Variants in FYN observed in about 807,000 individuals in gnomAD.
FYN encodes the protein tyrosine-protein kinase Fyn.
In FYN, 10 loss-of-function variants were observed where a neutral mutation model predicts 70.2. The ratio of observed to expected loss-of-function variants is 0.14; its 90% CI spans 0.09 to 0.24. The LOEUF is 0.24. FYN is among the 10% of genes least tolerant of loss of function. The pLI, the probability that FYN is intolerant of heterozygous loss-of-function variation, is 1.00. For synonymous variants in FYN, 236 were observed against 248.6 expected (o/e 0.95, Z 0.48); for missense variants, 319 against 673.1 (o/e 0.47, Z 5.82).
intron 3 of FYN, among the ~76,000 whole-genome samples, chr6:111,772,448 T>C (rs550639626): frequency 1.1e-4 from 17 of 152,302 alleles, no homozygotes; most frequent in Non-Finnish European, 2.2e-4. Flanking sequence ...TGTATCAGAC[T>C]ACAGATGATT....
intron 4 of FYN, among the ~76,000 whole-genome samples, chr6:111,717,852 G>GAGA (rs747171783): frequency 9.9e-5 from 15 of 152,244 alleles, no homozygotes; most frequent in Non-Finnish European, 2.2e-4. Flanking sequence ...AAGGACCACA[G>GAGA]AGAAGAGTGG....
intron 12 of FYN, among the ~76,000 whole-genome samples, chr6:111,682,442 C>T (rs1238259803): frequency 6.6e-6 from 1 of 152,194 alleles, no homozygotes; most frequent in Non-Finnish European, 1.5e-5. Context: ...TTCACTTCTG[C>T]CTCAAATAGA....
At chr6:111,729,311 T>C (rs1801338704) in intron 3 of FYN, among the ~76,000 whole-genome samples, 1 of 151,982 alleles carries the variant, frequency 6.6e-6, no homozygotes, top group Non-Finnish European at 1.5e-5. Context: ...CCAACTCTAC[T>C]AAAAATACAA....
At chr6:111,710,378 A>C (rs1438422582) in intron 5 of FYN, among the ~76,000 whole-genome samples, 1 of 152,224 alleles carries the variant, frequency 6.6e-6, no homozygotes, top group African/African-American at 2.4e-5. Flanking sequence ...AGTCATTTCC[A>C]ATTCAAATCT....
At chr6:111,668,691 C>T (rs942891555) in intron 13 of FYN, among the ~76,000 whole-genome samples, 1 of 152,020 alleles carries the variant, frequency 6.6e-6, no homozygotes, top group Non-Finnish European at 1.5e-5. Context: ...GACATGCTGG[C>T]CAAGAGAAAT....
intron 13 of FYN, among the ~76,000 whole-genome samples, chr6:111,667,565 T>A (rs567260561): frequency 2.2e-4 from 34 of 152,298 alleles, no homozygotes; most frequent in South Asian, 6.2e-4. Flanking sequence ...TTCTTTTAGA[T>A]TCTATAGGGA....
chr6:111,696,406 T>C lies in FYN; in HGVS notation c.913A>G (p.Thr305Ala). 2 of 1,612,878 alleles carry C rather than the reference T, an allele frequency of 1.2e-6. No homozygotes were observed. Among genetic ancestry groups the C allele is most frequent in the Non-Finnish European group, 1.7e-6 (2 of 1,179,494 alleles). Residue 305 changes from threonine to alanine, a missense_variant, in exon 10 of 14, where the codon ACA becomes GCA. By Grantham distance (58) the Thr-to-Ala change is moderately conservative (BLOSUM62 0). Transcript: ENST00000354650. ...KVAIKTLKPG[T>A]MSPESFLEEA... ...TCAAGGAATGATTCGGGGGACATTG[T>C]GCCTGGTTTAAGAGTCTTTATGGCT...
At chr6:111,859,751 G>A (rs79141359) in intron 1 of FYN, among the ~76,000 whole-genome samples, 2 of 152,052 alleles carry the variant, frequency 1.3e-5, no homozygotes, top group Non-Finnish European at 2.9e-5. Flanking sequence ...GGTTATAGTG[G>A]GTTCAATGGT....
intron 2 of FYN, among the ~76,000 whole-genome samples, chr6:111,840,855 C>T (rs1036839476): frequency 1.3e-5 from 2 of 152,178 alleles, no homozygotes; most frequent in East Asian, 3.9e-4. Context: ...CTATGCAAGG[C>T]AGACAACCAA....
At chr6:111,771,303 T>G (rs954313776) in intron 3 of FYN, among the ~76,000 whole-genome samples, 1 of 152,126 alleles carries the variant, frequency 6.6e-6, no homozygotes, top group Non-Finnish European at 1.5e-5. Context: ...ACACCCTTCT[T>G]AAGGAGTCAG....
chr6:111,679,305 G>C (rs1290532287), intron 12 of FYN, among the ~76,000 whole-genome samples: 1 of 152,184 alleles, frequency 6.6e-6, no homozygotes, highest in Non-Finnish European at 1.5e-5. Flanking sequence ...TATGCTGCCA[G>C]AGCACCTCCC....
chr6:111,740,603 G>T (rs979820080), intron 3 of FYN, among the ~76,000 whole-genome samples: 2 of 152,182 alleles, frequency 1.3e-5, no homozygotes, highest in African/African-American at 4.8e-5. Context: ...TCTTTGGAAT[G>T]AATTTAAATG....
At chr6:111,799,711 G>C (rs570842903) in intron 2 of FYN, among the ~76,000 whole-genome samples, 1 of 152,320 alleles carries the variant, frequency 6.6e-6, no homozygotes, top group South Asian at 2.1e-4. Context: ...CCTGTCCAGA[G>C]CCACTGAGGC....
chr6:111,734,430 T>C (rs1445931667), intron 3 of FYN, among the ~76,000 whole-genome samples: 2 of 152,218 alleles, frequency 1.3e-5, no homozygotes, highest in Admixed American at 1.3e-4. Context: ...TTTTGCCCTA[T>C]GGTTTAAAGT....
chr6:111,732,434 C>T (rs1288583001), intron 3 of FYN, among the ~76,000 whole-genome samples: 2 of 152,212 alleles, frequency 1.3e-5, no homozygotes, highest in Non-Finnish European at 2.9e-5. Context: ...GGGACACGGC[C>T]TTGGCAATCT....
chr6:111,720,865 A>C (rs1271559743), intron 3 of FYN, among the ~76,000 whole-genome samples: 2 of 152,014 alleles, frequency 1.3e-5, no homozygotes, highest in East Asian at 3.9e-4. Flanking sequence ...ACCCTCCTCA[A>C]ACCCTCTTCT....
rs570238166 is a variant in FYN at position 111,724,470 on chromosome 6, G to A, written c.-11-4408C>T. Among the ~76,000 whole-genome samples, 10 of 152,224 alleles carry A rather than the reference G, an allele frequency of 6.6e-5. No homozygotes were observed. The South Asian group carries it at 1.0e-3, about 16-fold the overall frequency. On this transcript the variant is annotated intron_variant, in intron 3 of 13. Transcript: ENST00000354650. ...TTAAACACAGACACATTCATATTTC[G>A]TCATGTGCCAATCAATAAAGCAATG...
Position 111,776,579 on chromosome 6 carries a change from G to A in FYN, c.-12+3987C>T, listed in dbSNP as rs143298303. Among the ~76,000 whole-genome samples, 96 of 152,244 alleles carry A rather than the reference G, an allele frequency of 6.3e-4. 1 individual carries two copies. Among genetic ancestry groups the A allele is most frequent in the African/African-American group, 2.3e-3 (95 of 41,540 alleles). On this transcript the variant is annotated intron_variant, in intron 3 of 13. Transcript: ENST00000354650. ...ACTATCAGAAAAAGAAAAATGAAGGGTAGTAAAGTTGAGAGAATATTACAC... is the reference window on the plus strand; with the variant it reads ...ACTATCAGAAAAAGAAAAATGAAGGATAGTAAAGTTGAGAGAATATTACAC...
At chr6:111,867,149 T>C (rs112326145) in intron 1 of FYN, among the ~76,000 whole-genome samples, 3 of 152,324 alleles carry the variant, frequency 2.0e-5, no homozygotes, top group African/African-American at 7.2e-5. Flanking sequence ...TCAATTTTTG[T>C]AATTTGTTTG....
Sources: gnomAD v4.1 joint callset for allele counts (sites outside exome capture counted in the v4.1 genomes callset) on GRCh38, gnomAD v4.1.1 for gene constraint, MANE v1.5 for transcripts, NCBI Gene and HGNC (gene_info 2026-07-23, HGNC 2026-07-21) for gene names.